C1QTNF3: variants seen among roughly 807,000 people sequenced by gnomAD.
C1QTNF3 encodes C1q and TNF related 3.
In C1QTNF3, 26 loss-of-function variants were observed where a neutral mutation model predicts 32.6. The observed-to-expected ratio is 0.80, with a 90% CI of 0.58 to 1.11. The LOEUF (loss-of-function observed/expected upper bound fraction) is 1.11. C1QTNF3 is among the 50% of genes least tolerant of loss of function. The probability of loss-of-function intolerance (pLI) is 0.00; values close to 1 mark genes in which losing one functional copy is unlikely to be tolerated. For missense variants in C1QTNF3, 362 were observed against 398.2 expected (o/e 0.91, Z 0.77); for synonymous variants, 155 against 146.0 (o/e 1.06, Z -0.44).
intron 3 of C1QTNF3, among the ~76,000 whole-genome samples, chr5:34,032,209 C>T (rs973854093): frequency 1.3e-5 from 2 of 152,246 alleles, no homozygotes; most frequent in African/African-American, 4.8e-5. Flanking sequence ...CCCTCCTCCA[C>T]CTTCCAGAAA....
chr5:34,215,310 AC>A, the C1QTNF3 span, among the ~76,000 whole-genome samples: 15 of 152,156 alleles, frequency 9.9e-5, no homozygotes, highest in East Asian at 2.9e-3. Context: ...ACTTATATAA[AC>A]CCCAAAGATG....
the C1QTNF3 span, among the ~76,000 whole-genome samples, chr5:34,100,184 G>T: frequency 1.3e-5 from 2 of 152,100 alleles, no homozygotes; most frequent in Non-Finnish European, 2.9e-5. Flanking sequence ...AACAAACATT[G>T]TATCTTCATG....
the C1QTNF3 span, among the ~76,000 whole-genome samples, chr5:34,240,768 T>C: frequency 6.6e-6 from 1 of 152,206 alleles, no homozygotes; most frequent in Non-Finnish European, 1.5e-5. Flanking sequence ...TAACTCATGC[T>C]GTGAAGCCAG....
At chr5:34,118,796 T>G in the C1QTNF3 span, among the ~76,000 whole-genome samples, 1 of 152,172 alleles carries the variant, frequency 6.6e-6, no homozygotes, top group South Asian at 2.1e-4. Context: ...TGTGTTGAGC[T>G]TCTGGGTTTG....
At chr5:34,049,567 C>T in the C1QTNF3 span, among the ~76,000 whole-genome samples, 30 of 152,312 alleles carry the variant, frequency 2.0e-4, no homozygotes, top group South Asian at 5.4e-3. Flanking sequence ...AGGCAAATTG[C>T]ATTTACACAA....
At chr5:34,100,422 C>T in the C1QTNF3 span, among the ~76,000 whole-genome samples, 8 of 151,114 alleles carry the variant, frequency 5.3e-5, no homozygotes, top group South Asian at 1.1e-3. Context: ...AAAATACTTG[C>T]GGTTCAATTT....
chr5:34,164,402 A>G, the C1QTNF3 span, among the ~76,000 whole-genome samples: 2 of 152,076 alleles, frequency 1.3e-5, no homozygotes, highest in Non-Finnish European at 2.9e-5. Flanking sequence ...TAATGTTTTT[A>G]GCAGAGTTCA....
the C1QTNF3 span, among the ~76,000 whole-genome samples, chr5:34,157,478 A>G: frequency 6.6e-6 from 1 of 152,178 alleles, no homozygotes; most frequent in Non-Finnish European, 1.5e-5. Context: ...TGTCCCCAAA[A>G]TATGTGAATA....
At chr5:34,116,244 T>C in the C1QTNF3 span, among the ~76,000 whole-genome samples, 4 of 152,096 alleles carry the variant, frequency 2.6e-5, no homozygotes, top group Non-Finnish European at 5.9e-5. Flanking sequence ...TTATTGCAAT[T>C]TTAAAAAATT....
the C1QTNF3 span, among the ~76,000 whole-genome samples, chr5:34,048,554 A>G: frequency 6.6e-6 from 1 of 152,206 alleles, no homozygotes; most frequent in Non-Finnish European, 1.5e-5. Flanking sequence ...TGTAGGGGGC[A>G]CTGCCCAACT....
chr5:34,225,985 T>A, the C1QTNF3 span, among the ~76,000 whole-genome samples: 1 of 151,992 alleles, frequency 6.6e-6, no homozygotes, highest in Admixed American at 6.6e-5. Flanking sequence ...ATTATACCAA[T>A]CATTACTAAT....
At chr5:34,064,600 C>T in the C1QTNF3 span, among the ~76,000 whole-genome samples, 6 of 152,094 alleles carry the variant, frequency 3.9e-5, no homozygotes, top group East Asian at 1.9e-4. Context: ...ATGGGTGCCT[C>T]GCTGGATCAG....
the C1QTNF3 span, among the ~76,000 whole-genome samples, chr5:34,056,487 G>T: frequency 0.14 from 6,869 of 49,980 alleles, 70 homozygotes; most frequent in Non-Finnish European, 0.19. Context: ...TATAGAGAGA[G>T]AGAGAGAGAG....
At chr5:34,172,101 G>C in the C1QTNF3 span, among the ~76,000 whole-genome samples, 3 of 152,156 alleles carry the variant, frequency 2.0e-5, no homozygotes, top group Non-Finnish European at 4.4e-5. Flanking sequence ...TTAGGAAATA[G>C]AGTAATCCCT....
rs1251538598 is a variant in C1QTNF3, at chr5:34,018,306, G to A, written c.*2277C>T. ...ATACCAAAGCAAGAAATTGTCTCTGGCCATCAGATATTATCTTTTCCACAA... is the reference window on the plus strand; with the variant it reads ...ATACCAAAGCAAGAAATTGTCTCTGACCATCAGATATTATCTTTTCCACAA... On this transcript the variant is annotated 3_prime_UTR_variant, in exon 6 of 6. Coordinates refer to ENST00000382065, the MANE Select transcript of C1QTNF3 (RefSeq NM_181435.6). Among the ~76,000 whole-genome samples, 1 of 151,864 alleles carries A rather than the reference G, an allele frequency of 6.6e-6. No homozygotes were observed. Among genetic ancestry groups the A allele is most frequent in the African/African-American group, 2.4e-5 (1 of 41,332 alleles).
chr5:34,049,682 C>T, the C1QTNF3 span, among the ~76,000 whole-genome samples: 2 of 152,162 alleles, frequency 1.3e-5, no homozygotes, highest in Non-Finnish European at 2.9e-5. Flanking sequence ...TCAGGAATTG[C>T]CTAATGTGAC....
At chr5:34,070,827 G>A in the C1QTNF3 span, among the ~76,000 whole-genome samples, 1 of 152,190 alleles carries the variant, frequency 6.6e-6, no homozygotes, top group South Asian at 2.1e-4. Flanking sequence ...CTGAAACACT[G>A]TAAGCAATTT....
At chr5:34,159,816 T>G in the C1QTNF3 span, among the ~76,000 whole-genome samples, 2 of 150,978 alleles carry the variant, frequency 1.3e-5, no homozygotes, top group African/African-American at 4.9e-5. Flanking sequence ...TACTAAAAAT[T>G]TAGATAATTA....
the C1QTNF3 span, among the ~76,000 whole-genome samples, chr5:34,083,457 A>C: frequency 0.015 from 2,263 of 151,650 alleles, 138 homozygotes; most frequent in African/African-American, 0.054. Flanking sequence ...AATCGAAAGC[A>C]AAATTGGATA....
Sources: allele counts gnomAD v4.1 joint callset (sites outside exome capture counted in the v4.1 genomes callset), GRCh38; gene constraint gnomAD v4.1.1; transcripts MANE v1.5; gene names NCBI Gene and HGNC (gene_info 2026-07-23, HGNC 2026-07-21).